SRGAP2: variants seen among roughly 807,000 people sequenced by gnomAD.
SRGAP2 encodes SLIT-ROBO Rho GTPase-activating protein 2.
Under a neutral mutation model 57.2 loss-of-function variants are expected in SRGAP2, and 15 were observed. The observed-to-expected ratio is 0.26, with a 90% CI of 0.18 to 0.40. SRGAP2 has a LOEUF of 0.40. SRGAP2 is among the 10% of genes least tolerant of loss of function. The pLI, the probability that SRGAP2 is intolerant of heterozygous loss-of-function variation, is 1.00. For synonymous variants in SRGAP2, 249 were observed against 248.0 expected (o/e 1.00, Z -0.04); for missense variants, 520 against 669.6 (o/e 0.78, Z 2.47).
chr1:206,457,022 A>G (rs1663897052), intron 21 of SRGAP2, among the ~76,000 whole-genome samples: 1 of 152,030 alleles, frequency 6.6e-6, no homozygotes, highest in African/African-American at 2.4e-5. Context: ...GACACTTTGA[A>G]TACCTTTTGG....
chr1:206,307,772 C>T (rs1262052401), intron 3 of SRGAP2, among the ~76,000 whole-genome samples: 1 of 152,014 alleles, frequency 6.6e-6, no homozygotes, highest in Non-Finnish European at 1.5e-5. Context: ...AGCCCACGCC[C>T]ACCCGGAACT....
At chr1:206,428,657 A>G (rs1661023249) in intron 13 of SRGAP2, among the ~76,000 whole-genome samples, 1 of 151,640 alleles carries the variant, frequency 6.6e-6, no homozygotes, top group African/African-American at 2.4e-5. Flanking sequence ...TCATTTCTTC[A>G]TTTTTCTTTT....
Position 206,438,238 on chromosome 1 carries a change from C to T in SRGAP2, c.1768+140C>T. The T allele has an allele frequency of 6.5e-6, 4 of 616,238 alleles. No individual in the cohort carries two copies. The South Asian group carries it at 7.9e-5, about 12-fold the overall frequency. 38.2% of individuals were successfully genotyped at this position (616,238 alleles called of 1,614,324 possible). The stretch of plus-strand genomic sequence containing the variant: ...TTCCCCAGTGAAATTTCTCCTCAGC[C>T]TCACTCCTTCATCCCCTGGTGGGAG... On this transcript the variant is annotated intron_variant, in intron 16 of 22. Coordinates refer to ENST00000573034, the MANE Select transcript of SRGAP2 (RefSeq NM_015326.5).
At chr1:206,312,741 G>A (rs1438274473) in intron 3 of SRGAP2, among the ~76,000 whole-genome samples, 1 of 152,190 alleles carries the variant, frequency 6.6e-6, no homozygotes, top group African/African-American at 2.4e-5. Flanking sequence ...GCTAATGTCT[G>A]AAATTCTGTC....
At chr1:206,389,221 C>T (rs1656656889) in intron 5 of SRGAP2, among the ~76,000 whole-genome samples, 1 of 121,256 alleles carries the variant, frequency 8.2e-6, no homozygotes, top group Non-Finnish European at 1.6e-5. Context: ...GTTGCCCAGG[C>T]TGGAGTGCAG....
intron 2 of SRGAP2, among the ~76,000 whole-genome samples, chr1:206,276,873 G>A (rs1340950072): frequency 1.3e-5 from 2 of 152,136 alleles, no homozygotes; most frequent in East Asian, 1.9e-4. Flanking sequence ...CACAGCAGCT[G>A]AGTATTTGCT....
intron 2 of SRGAP2, among the ~76,000 whole-genome samples, chr1:206,217,263 C>T (rs1666707243): frequency 6.6e-6 from 1 of 152,038 alleles, no homozygotes; most frequent in Non-Finnish European, 1.5e-5. Context: ...GATGAGTAAG[C>T]TGCTCTTTGG....
At chr1:206,444,915 C>T (rs1553373261) in intron 17 of SRGAP2, among the ~76,000 whole-genome samples, 1 of 152,156 alleles carries the variant, frequency 6.6e-6, no homozygotes, top group African/African-American at 2.4e-5. Flanking sequence ...TCAAGTCCTG[C>T]AGTGATTCGC....
At position 206,450,424 on chromosome 1, in the gene SRGAP2, C is replaced by T; in HGVS notation, c.2138C>T (p.Ser713Leu). The T allele has an allele frequency of 2.6e-6, 2 of 780,836 alleles. No homozygotes were observed. Among genetic ancestry groups the T allele is most frequent in the Non-Finnish European group, 4.8e-6 (2 of 417,976 alleles). 48.4% of individuals were successfully genotyped at this position (780,836 alleles called of 1,614,324 possible). Residue 713 changes from serine (S) to leucine (L), a missense_variant, in exon 19 of 23, where the codon TCA (serine) becomes TTA (leucine). Physicochemically the swap from Ser to Leu is moderately radical, Grantham distance 145. Transcript: ENST00000573034. ...GGAGAGACTACCTCGGTTGAAGACT[C>T]AACCCAGGATGTGACCGCAGAGCAC... ...PHGETTSVED[S>L]TQDVTAEHHT...
chr1:206,375,299 G>T (rs1367163818), intron 4 of SRGAP2, among the ~76,000 whole-genome samples: 6 of 151,716 alleles, frequency 4.0e-5, no homozygotes, highest in African/African-American at 1.5e-4. Context: ...TCTACTCAAG[G>T]ATACCCACAG....
At chr1:206,370,438 G>T (rs1654431777) in intron 4 of SRGAP2, among the ~76,000 whole-genome samples, 1 of 152,154 alleles carries the variant, frequency 6.6e-6, no homozygotes, top group Middle Eastern at 3.2e-3. Context: ...AGGAAGTGCT[G>T]ATACATGCTA....
At chr1:206,300,874 A>G (rs1308763461) in intron 2 of SRGAP2, among the ~76,000 whole-genome samples, 1 of 151,230 alleles carries the variant, frequency 6.6e-6, no homozygotes, top group Non-Finnish European at 1.5e-5. Context: ...ATTCCTTTCT[A>G]TTCCCCTGGT....
At chr1:206,392,613 G>A (rs1657093635) in intron 5 of SRGAP2, 76 bp from the exon 6 acceptor site, 8 of 710,750 alleles carry the variant, frequency 1.1e-5, no homozygotes, top group Non-Finnish European at 2.1e-5. Context: ...CTCCAGCTGA[G>A]TCTGTTAGTC....
chr1:206,266,518 C>T (rs1240004576), intron 2 of SRGAP2, among the ~76,000 whole-genome samples: 1 of 152,216 alleles, frequency 6.6e-6, no homozygotes, highest in Admixed American at 6.5e-5. Context: ...GCTGGGATTA[C>T]AGGCATGAGC....
At chr1:206,389,163 T>C (rs1656641209) in intron 5 of SRGAP2, among the ~76,000 whole-genome samples, 1 of 130,828 alleles carries the variant, frequency 7.6e-6, no homozygotes, top group African/African-American at 3.0e-5. Context: ...TTCTCAGACT[T>C]CCTTTTTTTT....
chr1:206,356,814 TG>T (rs1676471774), intron 4 of SRGAP2, among the ~76,000 whole-genome samples: 1 of 148,872 alleles, frequency 6.7e-6, no homozygotes. Context: ...GGACTTTCTC[TG>T]GTCTTTTAGT....
At chr1:206,306,784 G>A (rs1672233394) in intron 3 of SRGAP2, among the ~76,000 whole-genome samples, 1 of 152,342 alleles carries the variant, frequency 6.6e-6, no homozygotes, top group African/African-American at 2.4e-5. Flanking sequence ...TAGATACAGA[G>A]TGTCGATTGG....
rs66901207 is a variant in SRGAP2, at chr1:206,229,931, T to TACACACACAC, written c.67+23921_67+23930dup. ...AGAGAGATATATATGTACACATACATACACACACACACACACACACACACA... is the reference window on the plus strand; with the variant it reads ...AGAGAGATATATATGTACACATACATACACACACACACACACACACACACACACACACACA... On this transcript the variant is annotated intron_variant, in intron 2 of 22. Transcript: ENST00000573034. Among the ~76,000 whole-genome samples the TACACACACAC allele has an allele frequency of 8.6e-3, 1,225 of 141,724 alleles. 10 individuals carry two copies. Among genetic ancestry groups the TACACACACAC allele is most frequent in the Middle Eastern group, 0.011 (3 of 284 alleles). 93.0% of individuals were successfully genotyped at this position (141,724 alleles called of 152,430 possible).
intron 3 of SRGAP2, among the ~76,000 whole-genome samples, chr1:206,335,456 C>G (rs577125746): frequency 6.7e-6 from 1 of 150,358 alleles, no homozygotes; most frequent in South Asian, 2.1e-4. Context: ...AATGTACACA[C>G]AAGCCACAAG....
Sources: gnomAD v4.1 joint callset for allele counts (sites outside exome capture counted in the v4.1 genomes callset) on GRCh38, gnomAD v4.1.1 for gene constraint, MANE v1.5 for transcripts, NCBI Gene and HGNC (gene_info 2026-07-23, HGNC 2026-07-21) for gene names.